The following ELP4 variants were observed in gnomAD, a reference collection of about 807,000 sequenced individuals.
ELP4 encodes the protein elongator complex protein 4.
ELP4 carries 51 observed loss-of-function variants against 48.9 expected under a neutral mutation model. The ratio of observed to expected loss-of-function variants is 1.04; its 90% CI spans 0.83 to 1.32. ELP4 has a LOEUF of 1.32. ELP4 is among the 40% of genes most tolerant of loss of function. The probability of loss-of-function intolerance (pLI) is 0.00; values close to 1 mark genes in which losing one functional copy is unlikely to be tolerated. For synonymous variants in ELP4, 210 were observed against 189.2 expected (o/e 1.11, Z -0.90); for missense variants, 519 against 514.6 (o/e 1.01, Z -0.08).
chr11:31,770,497 A>G, intron 9 of ELP4, among the ~76,000 whole-genome samples: 1 of 151,758 alleles, frequency 6.6e-6, no homozygotes. Context: ...GTGTTATTTC[A>G]ACTGTTACCT....
Position 31,539,678 on chromosome 11 carries a change from T to C in ELP4, c.276T>C (p.Asn92=). 1 of 1,606,738 alleles carries C rather than the reference T, an allele frequency of 6.2e-7. No individual in the cohort carries two copies. Among genetic ancestry groups the C allele is most frequent in the South Asian group, 1.1e-5 (1 of 88,838 alleles). Residue 92 remains asparagine, a synonymous_variant, in exon 3 of 10, where the codon AAT becomes AAC. Coordinates refer to ENST00000640961, the MANE Select transcript of ELP4 (RefSeq NM_019040.5). ...TTTTTACAGAGGAGGATAAATATAA[T>C]ATTTACTCACCTTTGCTCTTCAAGT... ...TVLLIEEDKY[N]IYSPLLFKYF...
At chr11:31,731,439 A>G (rs1025398651) in intron 9 of ELP4, among the ~76,000 whole-genome samples, 2 of 152,202 alleles carry the variant, frequency 1.3e-5, no homozygotes, top group South Asian at 2.1e-4. Flanking sequence ...GTTCAACAGC[A>G]GACTTGATCA....
chr11:31,553,725 A>AACACAC (rs56921821), intron 3 of ELP4, among the ~76,000 whole-genome samples: 22,343 of 140,266 alleles, frequency 0.16, 1,697 homozygotes, highest in South Asian at 0.23. Flanking sequence ...TGCACACACA[A>AACACAC]ACACACACAC....
Position 31,603,163 on chromosome 11 carries a change from A to T in ELP4, c.514-605A>T, listed in dbSNP as rs2134001873. On this transcript the variant is annotated intron_variant, in intron 4 of 9. Transcript: ENST00000640961. ...CTGATTGATCTAATGTGGGTCATATACATTCTTCCACTTTATCATGTGCCT... is the reference window on the plus strand; with the variant it reads ...CTGATTGATCTAATGTGGGTCATATTCATTCTTCCACTTTATCATGTGCCT... 1.3e-5 allele frequency among the ~76,000 whole-genome samples: 2 copies of T among 152,008 alleles called. 1 individual carries two copies. The highest frequency in any genetic ancestry group is 6.8e-3 in the Middle Eastern group (2 of 294).
chr11:31,520,166 A>G (rs1956189555), intron 2 of ELP4, 75 bp downstream of exon 2: 3 of 1,269,582 alleles, frequency 2.4e-6, no homozygotes, highest in Non-Finnish European at 3.3e-6. Flanking sequence ...TCCAATTCCC[A>G]TTCCAAAATT....
chr11:31,549,431 A>G (rs1340714025), intron 3 of ELP4, among the ~76,000 whole-genome samples: 1 of 152,198 alleles, frequency 6.6e-6, no homozygotes, highest in African/African-American at 2.4e-5. Context: ...TCAAAACCAC[A>G]ATGAGATATC....
chr11:31,565,541 A>G (rs532888470), intron 3 of ELP4, among the ~76,000 whole-genome samples: 2 of 146,996 alleles, frequency 1.4e-5, no homozygotes, highest in Middle Eastern at 3.4e-3. Flanking sequence ...ATCTTGAATT[A>G]ATTTTTGTAT....
At chr11:31,679,742 C>A (rs913605411) in intron 9 of ELP4, among the ~76,000 whole-genome samples, 1 of 152,184 alleles carries the variant, frequency 6.6e-6, no homozygotes, top group African/African-American at 2.4e-5. Flanking sequence ...CTTTGTTCTT[C>A]AGTATCGTGT....
intron 3 of ELP4, among the ~76,000 whole-genome samples, chr11:31,594,497 T>G (rs1957640223): frequency 6.6e-6 from 1 of 152,148 alleles, no homozygotes; most frequent in South Asian, 2.1e-4. Context: ...GAGTATAACC[T>G]CTTGTTAGAA....
At chr11:31,632,081 A>T in intron 6 of ELP4, 136 bp from the exon 7 acceptor site, 12 of 606,040 alleles carry the variant, frequency 2.0e-5, no homozygotes, top group Non-Finnish European at 3.4e-5. Context: ...TTATGTACTA[A>T]TAGTACATAA....
At chr11:31,727,186 T>G (rs2134195026) in intron 9 of ELP4, among the ~76,000 whole-genome samples, 1 of 151,954 alleles carries the variant, frequency 6.6e-6, no homozygotes, top group African/African-American at 2.4e-5. Flanking sequence ...AGTGAACATA[T>G]GTAGAGTTTT....
chr11:31,568,264 A>G (rs1654237592), intron 3 of ELP4, among the ~76,000 whole-genome samples: 1 of 152,196 alleles, frequency 6.6e-6, no homozygotes, highest in South Asian at 2.1e-4. Flanking sequence ...AAAGTGAACT[A>G]CAAAACACTG....
intron 9 of ELP4, among the ~76,000 whole-genome samples, chr11:31,660,118 T>C (rs1391776281): frequency 6.6e-6 from 1 of 152,220 alleles, no homozygotes; most frequent in Non-Finnish European, 1.5e-5. Flanking sequence ...AATAATTATA[T>C]GAATGAAAAA....
At chr11:31,663,425 T>A (rs1272888749) in intron 9 of ELP4, 1 of 152,046 alleles carries the variant, frequency 6.6e-6, no homozygotes, top group African/African-American at 2.4e-5. Flanking sequence ...AAATGTGATA[T>A]TGAGTTTTTT....
chr11:31,534,717 C>G (rs1332389737), intron 2 of ELP4, among the ~76,000 whole-genome samples: 1 of 152,054 alleles, frequency 6.6e-6, no homozygotes, highest in Non-Finnish European at 1.5e-5. Flanking sequence ...TTTAAATTTT[C>G]CATTTTGTAA....
intron 3 of ELP4, among the ~76,000 whole-genome samples, chr11:31,547,145 C>A (rs1025145394): frequency 4.7e-4 from 71 of 152,172 alleles, no homozygotes; most frequent in Non-Finnish European, 7.2e-4. Context: ...CAGAGCAGAA[C>A]TGGAGGAAAT....
intron 9 of ELP4, chr11:31,719,358 G>C (rs1946908654): frequency 2.5e-6 from 1 of 394,166 alleles, no homozygotes; most frequent in African/African-American, 2.1e-5. Context: ...CAGTGGCAGA[G>C]TTTTTGTGGA....
At chr11:31,572,055 G>A (rs902976540) in intron 3 of ELP4, among the ~76,000 whole-genome samples, 2 of 152,170 alleles carry the variant, frequency 1.3e-5, no homozygotes, top group Non-Finnish European at 2.9e-5. Flanking sequence ...TTGGAGCTAG[G>A]CATTGACTTC....
chr11:31,601,981 A>G (rs1025700586), intron 4 of ELP4, among the ~76,000 whole-genome samples: 3 of 152,070 alleles, frequency 2.0e-5, no homozygotes, highest in East Asian at 3.9e-4. Flanking sequence ...ACCTTAATCC[A>G]TGCTGCTGCA....
Sources: allele counts gnomAD v4.1 joint callset (sites outside exome capture counted in the v4.1 genomes callset), GRCh38; gene constraint gnomAD v4.1.1; transcripts MANE v1.5; gene names NCBI Gene and HGNC (gene_info 2026-07-23, HGNC 2026-07-21).